Variants in RAPGEF2 observed in about 807,000 individuals in gnomAD.
The protein encoded by RAPGEF2 is Rap guanine nucleotide exchange factor 2.
Under a neutral mutation model 186.7 loss-of-function variants are expected in RAPGEF2, and 54 were observed. That is an observed-to-expected ratio of 0.29 (90% CI 0.23 to 0.36). The LOEUF is 0.36. Among genes scored for constraint, RAPGEF2 ranks in the 10% least tolerant of loss-of-function variants. The pLI is 1.00. For missense variants in RAPGEF2, 1,532 were observed against 2,045.0 expected (o/e 0.75, Z 4.84); for synonymous variants, 712 against 705.9 (o/e 1.01, Z -0.14).
At chr4:159,284,597 A>G (rs1024144757) in intron 7 of RAPGEF2, among the ~76,000 whole-genome samples, 1 of 152,046 alleles carries the variant, frequency 6.6e-6, no homozygotes, top group Non-Finnish European at 1.5e-5. Context: ...TCTGGATTTC[A>G]TTCCAATAGA....
chr4:159,241,607 A>G (rs1213234691), intron 6 of RAPGEF2, among the ~76,000 whole-genome samples: 1 of 150,650 alleles, frequency 6.6e-6, no homozygotes, highest in Non-Finnish European at 1.5e-5. Flanking sequence ...TCTGGGAAAC[A>G]TGATATGATT....
At chr4:159,337,889 C>CA (rs553291521) in intron 17 of RAPGEF2, among the ~76,000 whole-genome samples, 1,963 of 32,288 alleles carry the variant, frequency 0.061, 163 homozygotes, top group Non-Finnish European at 0.068. Context: ...GACTCCATCT[C>CA]AAAAAAAAAA....
At chr4:159,322,857 A>G (rs1765423684) in intron 10 of RAPGEF2, among the ~76,000 whole-genome samples, 1 of 152,146 alleles carries the variant, frequency 6.6e-6, no homozygotes, top group Non-Finnish European at 1.5e-5. Context: ...CTTATTCACT[A>G]CCAAGAGAAC....
intron 1 of RAPGEF2, among the ~76,000 whole-genome samples, chr4:159,113,865 G>T (rs1361898239): frequency 6.6e-6 from 1 of 151,992 alleles, no homozygotes; most frequent in Admixed American, 6.6e-5. Flanking sequence ...GGTTGAGGCA[G>T]TATATTTATT....
chr4:159,227,159 A>G (rs1386998434), intron 4 of RAPGEF2, among the ~76,000 whole-genome samples: 1 of 152,222 alleles, frequency 6.6e-6, no homozygotes, highest in African/African-American at 2.4e-5. Flanking sequence ...AAAGAATATC[A>G]GATGTTTAGT....
At chr4:159,167,964 A>T (rs1010673260) in intron 1 of RAPGEF2, among the ~76,000 whole-genome samples, 1 of 152,264 alleles carries the variant, frequency 6.6e-6, no homozygotes, top group East Asian at 1.9e-4. Context: ...AATTAGGATC[A>T]ACTATGATGA....
chr4:159,151,240 T>A (rs966678921), intron 1 of RAPGEF2, among the ~76,000 whole-genome samples: 1 of 152,200 alleles, frequency 6.6e-6, no homozygotes, highest in Non-Finnish European at 1.5e-5. Flanking sequence ...TGTTTGGCTT[T>A]TTTGTTCCCA....
At chr4:159,317,939 A>G (rs754510341) in intron 9 of RAPGEF2, among the ~76,000 whole-genome samples, 1 of 152,162 alleles carries the variant, frequency 6.6e-6, no homozygotes, top group Non-Finnish European at 1.5e-5. Flanking sequence ...ATTAAAATAC[A>G]TGTCTGTCAT....
At chr4:159,153,912 T>C (rs1213456830) in intron 1 of RAPGEF2, among the ~76,000 whole-genome samples, 7 of 152,168 alleles carry the variant, frequency 4.6e-5, no homozygotes, top group South Asian at 4.1e-4. Context: ...TGGTATACAG[T>C]CGATGTTCAA....
intron 9 of RAPGEF2, among the ~76,000 whole-genome samples, chr4:159,315,702 TGCCTAGCA>T (rs975422959): frequency 2.0e-5 from 3 of 152,180 alleles, no homozygotes; most frequent in African/African-American, 7.2e-5. Context: ...GGCCCTTCCC[TGCCTAGCA>T]GCCGAGGCAG....
chr4:159,218,650 C>T (rs764452956), intron 4 of RAPGEF2, among the ~76,000 whole-genome samples: 3 of 151,604 alleles, frequency 2.0e-5, no homozygotes, highest in African/African-American at 4.9e-5. Context: ...CCCAGCTACT[C>T]GGGAGGATGA....
chr4:159,218,714 C>T (rs193028387), intron 4 of RAPGEF2, among the ~76,000 whole-genome samples: 14 of 151,918 alleles, frequency 9.2e-5, no homozygotes, highest in East Asian at 3.9e-4. Flanking sequence ...GCCAAGATCA[C>T]GCCACTGCAC....
In RAPGEF2 at chr4:159,104,489, C is replaced by CGAGAGAGAGAGAGAGAGAGA. The variant is rs553251268; in HGVS notation, c.69+276_69+295dup. Among the ~76,000 whole-genome samples the CGAGAGAGAGAGAGAGAGAGA allele has an allele frequency of 3.5e-4, 31 of 88,796 alleles. No homozygotes were observed. In the South Asian group the frequency reaches 4.1e-3, roughly 12 times the overall value. 58.3% of individuals were successfully genotyped at this position (88,796 alleles called of 152,430 possible). A position where few individuals can be genotyped will look rare whatever the true frequency, so the allele number is the denominator to read the frequency against. On this transcript the variant is annotated intron_variant, in intron 1 of 29. Transcript: ENST00000691494. ...GACCTTTCCCACTATGTTGCCCAGCCGAGAGAGAGAGAGAGAGAGAGAGAG... is the reference window on the plus strand; with the variant it reads ...GACCTTTCCCACTATGTTGCCCAGCCGAGAGAGAGAGAGAGAGAGAGAGAGAGAGAGAGAGAGAGAGAGAG...
At chr4:159,135,289 G>A (rs1741600703) in intron 1 of RAPGEF2, among the ~76,000 whole-genome samples, 1 of 152,058 alleles carries the variant, frequency 6.6e-6, no homozygotes, top group African/African-American at 2.4e-5. Context: ...CAAGCAGTCC[G>A]CCCACCTCAG....
chr4:159,252,211 C>T (rs1048088031), intron 7 of RAPGEF2, among the ~76,000 whole-genome samples: 3 of 152,138 alleles, frequency 2.0e-5, no homozygotes, highest in African/African-American at 4.8e-5. Context: ...CAGGCGTGAG[C>T]CAGCACACTC....
intron 7 of RAPGEF2, among the ~76,000 whole-genome samples, chr4:159,252,765 T>G (rs1482352475): frequency 6.6e-6 from 1 of 152,216 alleles, no homozygotes; most frequent in African/African-American, 2.4e-5. Flanking sequence ...GTTTTCTAGT[T>G]GCAGCAGTTT....
chr4:159,345,387 TGCAGTGGTATGG>T (rs1730132389), intron 24 of RAPGEF2, 58 bp downstream of exon 24: 1 of 1,497,134 alleles, frequency 6.7e-7, no homozygotes. Flanking sequence ...TTGTTTCCTG[TGCAGTGGTATGG>T]GCAGTGACAA....
chr4:159,343,715 C>G (rs1447247586), intron 22 of RAPGEF2, among the ~76,000 whole-genome samples: 2 of 152,132 alleles, frequency 1.3e-5, no homozygotes, highest in Non-Finnish European at 2.9e-5. Context: ...GTAGTATGCA[C>G]TAAAATATGT....
chr4:159,148,930 A>G (rs1277409385), intron 1 of RAPGEF2, among the ~76,000 whole-genome samples: 1 of 152,176 alleles, frequency 6.6e-6, no homozygotes, highest in Admixed American at 6.5e-5. Context: ...TGAACAAATT[A>G]TTTTTGGGGT....
Sources: gnomAD v4.1 joint callset for allele counts (sites outside exome capture counted in the v4.1 genomes callset) on GRCh38, gnomAD v4.1.1 for gene constraint, MANE v1.5 for transcripts, NCBI Gene and HGNC (gene_info 2026-07-23, HGNC 2026-07-21) for gene names.